SIGLEC6: variants seen among roughly 807,000 people sequenced by gnomAD.
SIGLEC6 encodes sialic acid binding Ig like lectin 6.
SIGLEC6 carries 31 observed loss-of-function variants against 41.4 expected under a neutral mutation model. The ratio of observed to expected loss-of-function variants is 0.75; its 90% CI spans 0.56 to 1.01. The LOEUF (loss-of-function observed/expected upper bound fraction) is 1.01, where lower values mean the gene tolerates loss of function less well. Among genes scored for constraint, SIGLEC6 ranks in the 50% least tolerant of loss-of-function variants. The pLI is 0.00. For missense variants in SIGLEC6, 555 were observed against 558.6 expected, an observed-to-expected ratio of 0.99 and a Z score of 0.06; for synonymous variants, 217 against 231.0, an observed-to-expected ratio of 0.94 and a Z score of 0.55.
intron 5 of SIGLEC6, chr19:51,528,465 C>T: frequency 3.4e-6 from 2 of 587,466 alleles, no homozygotes; most frequent in South Asian, 4.1e-5. Context: ...CCCCCAGCCA[C>T]TCTTGTCTGG....
At chr19:51,527,130 T>C (rs11084085) in intron 7 of SIGLEC6, among the ~76,000 whole-genome samples, 9,845 of 152,274 alleles carry the variant, frequency 0.065, 361 homozygotes, top group East Asian at 0.11. Context: ...TGGAGGATAT[T>C]GTCCACAAAA....
At position 51,518,886 on chromosome 19, in the gene SIGLEC6, T is replaced by A. The variant is rs1326900284; in HGVS notation, c.*1196A>T. 6.6e-6 allele frequency among the ~76,000 whole-genome samples: 1 copy of A among 152,060 alleles called. No homozygotes were observed. The highest frequency in any genetic ancestry group is 1.5e-5 in the Non-Finnish European group (1 of 68,012). On this transcript the variant is annotated 3_prime_UTR_variant, in exon 8 of 8. Transcript: ENST00000425629. The stretch of plus-strand genomic sequence containing the variant: ...AAAGATGATGGATGGAAACCTTATT[T>A]TGGGGAGTCGTGAAGAGTTCTGAAC...
rs532372605 is a variant in SIGLEC6 at position 51,524,153 on chromosome 19, T to G, written c.1188+3594A>C. ...AACTGAGCCAAATCAATAATCACAT[T>G]AAATATAAATGGTCTAAACACTCCA... On this transcript the variant is annotated intron_variant, in intron 7 of 7. Transcript: ENST00000425629. Among the ~76,000 whole-genome samples the G allele has an allele frequency of 9.2e-5, 14 of 152,254 alleles. No homozygotes were observed. In the South Asian group the frequency reaches 1.9e-3, roughly 20 times the overall value.
At chr19:51,523,940 G>A (rs10221511) in intron 7 of SIGLEC6, among the ~76,000 whole-genome samples, 24 of 152,218 alleles carry the variant, frequency 1.6e-4, no homozygotes, top group African/African-American at 4.8e-4. Flanking sequence ...GGAGAATGGC[G>A]TGAACCCAGG....
Position 51,529,831 on chromosome 19 carries a change from C to G in SIGLEC6, c.905G>C (p.Gly302Ala). 6.2e-7 allele frequency: 1 copy of G among 1,614,128 alleles called. No homozygotes were observed. The highest frequency in any genetic ancestry group is 1.6e-4 in the Middle Eastern group (1 of 6,062). Residue 302 changes from glycine (G) to alanine (A), a missense_variant, in exon 5 of 8, where the codon GGG (glycine) becomes GCG (alanine). Transcript: ENST00000425629. ...CCCTACTTGAGGCAGCTCCAGGACC[C>G]CGGTATTGGAGATGGGGGTGGCGTT... ...ALNATPISNT[G>A]VLELPQVGSA...
chr19:51,528,316 C>A, intron 5 of SIGLEC6, 63 bp from the exon 6 acceptor site: 1 of 1,378,830 alleles, frequency 7.3e-7, no homozygotes, highest in Non-Finnish European at 1.0e-6. Flanking sequence ...AACAGCCATT[C>A]CTCTCCACCT....
At chr19:51,525,139 C>T (rs148462002) in intron 7 of SIGLEC6, among the ~76,000 whole-genome samples, 3 of 152,280 alleles carry the variant, frequency 2.0e-5, no homozygotes, top group Non-Finnish European at 2.9e-5. Flanking sequence ...GTAGGGACCA[C>T]ATTTATGGTG....
At position 51,530,972 on chromosome 19, in the gene SIGLEC6, TG is replaced by T; in HGVS notation, c.428-14del. The T allele has an allele frequency of 6.2e-7, 1 of 1,607,810 alleles. No individual in the cohort carries two copies. ...CTGTGGGTCAGGGCTGGTGAGGAGA[TG>T]GGGACGCAGGATCAGGATGGAGGTC... On this transcript the variant is annotated splice_polypyrimidine_tract_variant and intron_variant, in intron 2 of 7. Coordinates refer to ENST00000425629, the MANE Select transcript of SIGLEC6 (RefSeq NM_001245.7).
chr19:51,520,273 A>G lies in SIGLEC6; in HGVS notation c.1189-18T>C. On this transcript the variant is annotated intron_variant, in intron 7 of 7. Coordinates refer to ENST00000425629, the MANE Select transcript of SIGLEC6 (RefSeq NM_001245.7). ...TGATGACCCTTAATGGAAGAAAAGAAAAGATTCAGGGCTGGACAATAGGTT... is the reference window on the plus strand; with the variant it reads ...TGATGACCCTTAATGGAAGAAAAGAGAAGATTCAGGGCTGGACAATAGGTT... 1.3e-6 allele frequency: 2 copies of G among 1,539,512 alleles called. No individual in the cohort carries two copies. Among genetic ancestry groups the G allele is most frequent in the Non-Finnish European group, 1.8e-6 (2 of 1,128,088 alleles).
rs1364291487 is a variant in SIGLEC6, at chr19:51,518,422, C to G, written c.*1660G>C. Among the ~76,000 whole-genome samples, 2 of 152,214 alleles carry G rather than the reference C, an allele frequency of 1.3e-5. No homozygotes were observed. Among genetic ancestry groups the G allele is most frequent in the African/African-American group, 2.4e-5 (1 of 41,440 alleles). Reference sequence around the variant, plus strand: ...TGATGCAATCTCAGCTCACTTCAACCTCCACCTCCCAGGTTCAAGCAATTC... The same window carrying G: ...TGATGCAATCTCAGCTCACTTCAACGTCCACCTCCCAGGTTCAAGCAATTC... On this transcript the variant is annotated 3_prime_UTR_variant, in exon 8 of 8. Transcript: ENST00000425629.
chr19:51,531,168 C>A lies in SIGLEC6; in HGVS notation c.419G>T (p.Arg140Leu). The A allele has an allele frequency of 6.3e-7, 1 of 1,584,276 alleles. No homozygotes were observed. The highest frequency in any genetic ancestry group is 8.6e-7 in the Non-Finnish European group (1 of 1,163,568). Residue 140 changes from arginine (R) to leucine (L), a missense_variant, in exon 2 of 8, where the codon CGT (arginine) becomes CTT (leucine). Arg to Leu is a moderately radical substitution (Grantham distance 102). Transcript: ENST00000425629. ...TGGAGCTGGTTCCTTACCCATCACA[C>A]GCACAGAGAGCTTGGAAGATGTATA... The part of the protein sequence containing the change: ...YGYTSSKLSV[R>L]VMALTHRPNI...
chr19:51,530,941 T>C lies in SIGLEC6; in HGVS notation c.446A>G (p.Asn149Ser), dbSNP rs1047922699. ...VRVMALTHRP[N>S]ISIPGTLESG... ...CTCCAGGGTCCCTGGGATGGAGATG[T>C]TGGGCCTGTGGGTCAGGGCTGGTGA... is the stretch of plus-strand genomic sequence containing the variant. Residue 149 changes from asparagine to serine, a missense_variant, in exon 3 of 8, where the codon AAC becomes AGC. Transcript: ENST00000425629. 1.2e-6 allele frequency: 2 copies of C among 1,612,204 alleles called. No individual in the cohort carries two copies. The highest frequency in any genetic ancestry group is 2.7e-5 in the African/African-American group (2 of 74,908).
chr19:51,529,085 C>T (rs79864857), intron 5 of SIGLEC6, among the ~76,000 whole-genome samples: 9,656 of 151,026 alleles, frequency 0.064, 395 homozygotes, highest in Middle Eastern at 0.1. Flanking sequence ...AGTCAGAGGT[C>T]GAGGCAATGC....
intron 7 of SIGLEC6, among the ~76,000 whole-genome samples, chr19:51,522,858 G>A (rs555308377): frequency 4.6e-5 from 7 of 152,152 alleles, no homozygotes; most frequent in Admixed American, 4.6e-4. Flanking sequence ...GAACTGGGCT[G>A]GGTGTGGTGG....
In SIGLEC6 at chr19:51,529,601, G is replaced by A. The variant is rs139725955; in HGVS notation, c.1012+123C>T. 5,160 of 1,246,338 alleles carry A rather than the reference G, an allele frequency of 4.1e-3. 15 individuals carry two copies. The highest frequency in any genetic ancestry group is 4.9e-3 in the Non-Finnish European group (4,342 of 889,858). The allele number at this position is 1,246,338 out of a possible 1,614,324, so 77.2% of individuals were successfully genotyped here. ...GACTCTAAGCCTCCCAGAGGTAGGA[G>A]GGTCCCAGCAGTTGTGAGGGGTCTG... is the stretch of plus-strand genomic sequence containing the variant. On this transcript the variant is annotated intron_variant, in intron 5 of 7. Transcript: ENST00000425629.
intron 7 of SIGLEC6, among the ~76,000 whole-genome samples, chr19:51,524,611 A>T (rs2122352156): frequency 6.6e-6 from 1 of 152,354 alleles, no homozygotes. Flanking sequence ...CATTCTTTGC[A>T]ATTGCACATG....
intron 7 of SIGLEC6, among the ~76,000 whole-genome samples, chr19:51,523,990 TCCAG>T (rs1978764293): frequency 6.6e-6 from 1 of 151,930 alleles, no homozygotes; most frequent in South Asian, 2.1e-4. Context: ...GCCACTGCAC[TCCAG>T]CCTGGGTGAC....
chr19:51,528,027 A>G (rs529867336), intron 6 of SIGLEC6, 133 bp downstream of exon 6: 12 of 918,622 alleles, frequency 1.3e-5, no homozygotes, highest in African/African-American at 8.2e-5. Context: ...TCACACCACC[A>G]CTACCCTCCC....
chr19:51,524,467 T>C (rs1296073769), intron 7 of SIGLEC6, among the ~76,000 whole-genome samples: 2 of 152,218 alleles, frequency 1.3e-5, no homozygotes, highest in Non-Finnish European at 2.9e-5. Flanking sequence ...TCACAGAGCA[T>C]GATTTAACAA....
Sources: allele counts gnomAD v4.1 joint callset (sites outside exome capture counted in the v4.1 genomes callset), GRCh38; gene constraint gnomAD v4.1.1; transcripts MANE v1.5; gene names NCBI Gene and HGNC (gene_info 2026-07-23, HGNC 2026-07-21).